The following MARCHF3 variants were observed in gnomAD, a reference collection of about 807,000 sequenced individuals.
MARCHF3 encodes the protein membrane associated ring-CH-type finger 3.
In MARCHF3, 13 loss-of-function variants were observed where a neutral mutation model predicts 24.2. That is an observed-to-expected ratio of 0.54 (90% confidence interval 0.35 to 0.85). The LOEUF (loss-of-function observed/expected upper bound fraction) is 0.85, where lower values mean the gene tolerates loss of function less well. Ranked by LOEUF, MARCHF3 falls within the 40% of genes least tolerant of loss-of-function variation. The pLI, the probability that MARCHF3 is intolerant of heterozygous loss-of-function variation, is 0.01. For synonymous variants in MARCHF3, 144 were observed against 137.3 expected (o/e 1.05, Z -0.34); for missense variants, 276 against 325.0 (o/e 0.85, Z 1.16).
At chr5:126,899,706 T>C (rs1278146834) in intron 3 of MARCHF3, among the ~76,000 whole-genome samples, 1 of 152,170 alleles carries the variant, frequency 6.6e-6, no homozygotes, top group African/African-American at 2.4e-5. Context: ...AGTGCCACTC[T>C]ACTCTTCCAG....
At chr5:126,922,836 G>A (rs749480866) in intron 1 of MARCHF3, among the ~76,000 whole-genome samples, 15 of 152,168 alleles carry the variant, frequency 9.9e-5, no homozygotes, top group Non-Finnish European at 1.6e-4. Flanking sequence ...GTGAGCCACT[G>A]CGCCCAGCCT....
intron 1 of MARCHF3, among the ~76,000 whole-genome samples, chr5:126,974,654 T>C (rs932182182): frequency 2.0e-5 from 3 of 152,180 alleles, no homozygotes; most frequent in African/African-American, 7.2e-5. Flanking sequence ...GATGAACTCA[T>C]TTAAAAGTGG....
intron 1 of MARCHF3, 39 bp from the exon 2 acceptor site, chr5:126,918,266 G>T: frequency 7.4e-7 from 1 of 1,344,516 alleles, no homozygotes; most frequent in Non-Finnish European, 9.9e-7. Context: ...GGGCAGGGTG[G>T]CTAATAGAAA....
chr5:126,875,899 G>A (rs1753140477), intron 4 of MARCHF3, among the ~76,000 whole-genome samples: 1 of 152,178 alleles, frequency 6.6e-6, no homozygotes, highest in South Asian at 2.1e-4. Flanking sequence ...TTGTACAAGA[G>A]GAAGGATGAA....
intron 1 of MARCHF3, among the ~76,000 whole-genome samples, chr5:126,930,179 C>G (rs1276478182): frequency 6.6e-6 from 1 of 152,152 alleles, no homozygotes; most frequent in Non-Finnish European, 1.5e-5. Flanking sequence ...TAAAGGGACA[C>G]AAAGCAAGTC....
chr5:126,906,030 T>C (rs11486637), intron 3 of MARCHF3, among the ~76,000 whole-genome samples: 7,587 of 151,594 alleles, frequency 0.05, 301 homozygotes, highest in African/African-American at 0.12. Context: ...CATGAAGGGT[T>C]GTTGAATTTT....
intron 1 of MARCHF3, among the ~76,000 whole-genome samples, chr5:126,932,238 T>C (rs1034935762): frequency 2.6e-5 from 4 of 152,246 alleles, no homozygotes; most frequent in Non-Finnish European, 4.4e-5. Flanking sequence ...ATCAGACACA[T>C]GGCTGTGAGT....
intron 1 of MARCHF3, among the ~76,000 whole-genome samples, chr5:126,933,530 C>T (rs371869798): frequency 5.9e-5 from 9 of 151,586 alleles, no homozygotes; most frequent in African/African-American, 1.9e-4. Flanking sequence ...CTGCAAGCTC[C>T]GCCTCCTGGG....
chr5:126,873,812 T>C (rs1463455412), intron 4 of MARCHF3, among the ~76,000 whole-genome samples: 5 of 152,244 alleles, frequency 3.3e-5, no homozygotes, highest in African/African-American at 1.2e-4. Context: ...CATAAGAAGA[T>C]GCTTCTTTGT....
chr5:126,994,831 G>A (rs750277383), intron 1 of MARCHF3, among the ~76,000 whole-genome samples: 68 of 152,250 alleles, frequency 4.5e-4, no homozygotes, highest in Non-Finnish European at 8.5e-4. Context: ...CTCAAAAGTA[G>A]GGAAGCCAAC....
chr5:126,977,751 TGGCTAAACACAGCA>T (rs1170923370), intron 1 of MARCHF3, among the ~76,000 whole-genome samples: 192 of 152,334 alleles, frequency 1.3e-3, no homozygotes, highest in African/African-American at 4.4e-3. Flanking sequence ...TGTACAGGAA[TGGCTAAACACAGCA>T]TGTTGCATGT....
At chr5:126,913,424 C>G (rs1754607511) in intron 3 of MARCHF3, among the ~76,000 whole-genome samples, 1 of 152,222 alleles carries the variant, frequency 6.6e-6, no homozygotes, top group Non-Finnish European at 1.5e-5. Context: ...GAGAAATTTT[C>G]AACTCCTTTG....
intron 3 of MARCHF3, among the ~76,000 whole-genome samples, chr5:126,911,564 T>C (rs1754533591): frequency 6.6e-6 from 1 of 152,366 alleles, no homozygotes. Context: ...TTGCATTAGT[T>C]GGACTTCATC....
chr5:126,908,524 T>G (rs931817715), intron 3 of MARCHF3, among the ~76,000 whole-genome samples: 6 of 152,154 alleles, frequency 3.9e-5, no homozygotes, highest in Admixed American at 1.3e-4. Flanking sequence ...TCGTTTCTTT[T>G]TATTCTTTTT....
intron 1 of MARCHF3, among the ~76,000 whole-genome samples, chr5:127,021,469 T>C (rs1314136897): frequency 6.6e-6 from 1 of 152,212 alleles, no homozygotes. Context: ...TCATACAGTA[T>C]TTGAGAAGCA....
rs531822138 is a variant in MARCHF3, at chr5:126,962,236, C to A, written c.-56-44009G>T. Reference sequence around the variant, plus strand: ...CCTATATATCTATATCTATATATCTCTCTCTCTATATATATATATCTCTGC... The same window carrying A: ...CCTATATATCTATATCTATATATCTATCTCTCTATATATATATATCTCTGC... On this transcript the variant is annotated intron_variant, in intron 1 of 4. Transcript: ENST00000308660. Among the ~76,000 whole-genome samples the A allele has an allele frequency of 7.9e-5, 12 of 151,774 alleles. No individual in the cohort carries two copies. The South Asian group carries it at 1.9e-3, about 24-fold the overall frequency.
intron 1 of MARCHF3, among the ~76,000 whole-genome samples, chr5:126,925,180 T>C (rs1332089522): frequency 2.0e-5 from 3 of 152,122 alleles, no homozygotes; most frequent in Non-Finnish European, 4.4e-5. Context: ...GATTTGGGGG[T>C]AATGGCATAT....
intron 3 of MARCHF3, among the ~76,000 whole-genome samples, chr5:126,897,122 C>T (rs984630021): frequency 1.2e-4 from 17 of 147,730 alleles, no homozygotes; most frequent in African/African-American, 4.1e-4. Flanking sequence ...TCACTGCAAC[C>T]TCTGCCTCCC....
chr5:127,007,117 T>A (rs139161189), intron 1 of MARCHF3, among the ~76,000 whole-genome samples: 1 of 152,246 alleles, frequency 6.6e-6, no homozygotes, highest in East Asian at 1.9e-4. Flanking sequence ...AGATCTAACA[T>A]CTTCCAAATA....
Sources: allele counts gnomAD v4.1 joint callset (sites outside exome capture counted in the v4.1 genomes callset), GRCh38; gene constraint gnomAD v4.1.1; transcripts MANE v1.5; gene names NCBI Gene and HGNC (gene_info 2026-07-23, HGNC 2026-07-21).